The following SYN2 variants were observed in gnomAD, a reference collection of about 807,000 sequenced individuals.
The protein encoded by SYN2 is synapsin-2.
A neutral mutation model predicts 50.9 loss-of-function variants in SYN2; 19 were observed. That is an observed-to-expected ratio of 0.37 (90% CI 0.26 to 0.55). SYN2 has a LOEUF of 0.55. Ranked by LOEUF, SYN2 falls within the 20% of genes least tolerant of loss-of-function variation. SYN2 has a pLI of 0.81. For synonymous variants in SYN2, 255 were observed against 224.9 expected, an observed-to-expected ratio of 1.13 and a Z score of -1.20; for missense variants, 587 against 576.4, an observed-to-expected ratio of 1.02 and a Z score of -0.19.
chr3:12,006,967 A>G (rs910982573), intron 1 of SYN2, among the ~76,000 whole-genome samples: 2 of 152,204 alleles, frequency 1.3e-5, no homozygotes, highest in Admixed American at 6.5e-5. Context: ...ACCCTTCTGT[A>G]CCTTGTCCTG....
At chr3:12,152,673 G>A (rs912424644) in intron 5 of SYN2, among the ~76,000 whole-genome samples, 5 of 152,166 alleles carry the variant, frequency 3.3e-5, no homozygotes, top group African/African-American at 4.8e-5. Flanking sequence ...GGTGTAAAAA[G>A]CCAACAAAGG....
At chr3:12,063,999 A>G (rs955741980) in intron 1 of SYN2, among the ~76,000 whole-genome samples, 21 of 82,470 alleles carry the variant, frequency 2.5e-4, no homozygotes, top group Non-Finnish European at 6.5e-4. Context: ...AAAAGATTAC[A>G]TTGGAGAAAC....
chr3:12,191,047 A>G lies in SYN2; in HGVS notation c.*422A>G, dbSNP rs929884821. On this transcript the variant is annotated 3_prime_UTR_variant, in exon 13 of 13. Transcript: ENST00000621198. Reference sequence around the variant, plus strand: ...CCCATTCAGTGATACCTGTTTGGGAAGTATATACTTCCCCAAAAGTACTCT... The same window carrying G: ...CCCATTCAGTGATACCTGTTTGGGAGGTATATACTTCCCCAAAAGTACTCT... The G allele has an allele frequency of 1.0e-6, 1 of 990,488 alleles. No homozygotes were observed. Among genetic ancestry groups the G allele is most frequent in the African/African-American group, 1.7e-5 (1 of 57,414 alleles). 61.4% of individuals were successfully genotyped at this position (990,488 alleles called of 1,614,324 possible). A position where few individuals can be genotyped will look rare whatever the true frequency, so the allele number is the denominator to read the frequency against.
At chr3:12,089,476 A>G (rs1695779475) in intron 1 of SYN2, among the ~76,000 whole-genome samples, 1 of 152,222 alleles carries the variant, frequency 6.6e-6, no homozygotes, top group Admixed American at 6.5e-5. Flanking sequence ...GTGGGGACAC[A>G]GCCAAACCAT....
chr3:12,014,001 G>GAC (rs1158532264), intron 1 of SYN2, among the ~76,000 whole-genome samples: 1 of 151,934 alleles, frequency 6.6e-6, no homozygotes, highest in Non-Finnish European at 1.5e-5. Context: ...CATCTTTTGA[G>GAC]ACTGAGTATT....
chr3:12,144,454 G>T (rs1454204399), intron 3 of SYN2, among the ~76,000 whole-genome samples: 1 of 152,186 alleles, frequency 6.6e-6, no homozygotes, highest in East Asian at 1.9e-4. Context: ...TGAGATCATG[G>T]ACCTCTGTGG....
intron 1 of SYN2, among the ~76,000 whole-genome samples, chr3:12,134,830 T>C (rs1204227319): frequency 6.6e-6 from 1 of 152,196 alleles, no homozygotes; most frequent in African/African-American, 2.4e-5. Flanking sequence ...GATGTAAATC[T>C]GAAGAGTTGA....
chr3:12,141,024 A>G (rs1697007215), intron 2 of SYN2, among the ~76,000 whole-genome samples: 1 of 152,062 alleles, frequency 6.6e-6, no homozygotes, highest in South Asian at 2.1e-4. Context: ...GCTTCCCAGA[A>G]TATTGCACGT....
In SYN2 at chr3:12,140,636, TA is replaced by T. The variant is rs756139586; in HGVS notation, c.378-14del. 2.7e-6 allele frequency: 2 copies of T among 750,386 alleles called. No homozygotes were observed. Among genetic ancestry groups the T allele is most frequent in the Non-Finnish European group, 5.0e-6 (2 of 401,478 alleles). The allele number at this position is 750,386 out of a possible 1,614,324, so 46.5% of individuals were successfully genotyped here. A position where few individuals can be genotyped will look rare whatever the true frequency, so the allele number is the denominator to read the frequency against. Reference sequence around the variant, plus strand: ...TGCACAAAACTAATTTGTGTGGGTTTATTCTTTTCTCCAGGGCCAAGTGCTT... The same window carrying T: ...TGCACAAAACTAATTTGTGTGGGTTTTTCTTTTCTCCAGGGCCAAGTGCTT... On this transcript the variant is annotated splice_polypyrimidine_tract_variant and intron_variant, in intron 1 of 12. Transcript: ENST00000621198.
At chr3:12,034,093 T>C (rs1465311530) in intron 1 of SYN2, among the ~76,000 whole-genome samples, 1 of 152,248 alleles carries the variant, frequency 6.6e-6, no homozygotes, top group Non-Finnish European at 1.5e-5. Flanking sequence ...TTTTAACTTT[T>C]TGAGGTACTG....
Position 12,071,365 on chromosome 3 carries a change from T to C in SYN2, c.377+66437T>C, listed in dbSNP as rs1695351094. ...ATCGTCCACCGCAAATGCTTCTAAATGGACCGTAAGCAGATGTGTAGCATT... is the reference window on the plus strand; with the variant it reads ...ATCGTCCACCGCAAATGCTTCTAAACGGACCGTAAGCAGATGTGTAGCATT... On this transcript the variant is annotated intron_variant, in intron 1 of 12. Coordinates refer to ENST00000621198, the MANE Select transcript of SYN2 (RefSeq NM_133625.6). 4 of 564,146 alleles carry C rather than the reference T, an allele frequency of 7.1e-6. 1 individual carries two copies. Among genetic ancestry groups the C allele is most frequent in the Non-Finnish European group, 1.4e-5 (4 of 280,604 alleles). The allele number at this position is 564,146 out of a possible 1,614,324, so 34.9% of individuals were successfully genotyped here. A position where few individuals can be genotyped will look rare whatever the true frequency, so the allele number is the denominator to read the frequency against.
chr3:12,187,182 C>T (rs1204425708), intron 11 of SYN2, among the ~76,000 whole-genome samples, 187 bp from the exon 12 acceptor site: 3 of 152,178 alleles, frequency 2.0e-5, no homozygotes, highest in Non-Finnish European at 4.4e-5. Flanking sequence ...TGAGGAGAAG[C>T]ACTTAGTGGC....
chr3:12,038,539 C>T (rs1694549524), intron 1 of SYN2, among the ~76,000 whole-genome samples: 1 of 152,066 alleles, frequency 6.6e-6, no homozygotes, highest in South Asian at 2.1e-4. Context: ...TATTACAATC[C>T]ATGAACACAG....
At chr3:12,131,113 G>C (rs1696788958) in intron 1 of SYN2, among the ~76,000 whole-genome samples, 1 of 152,228 alleles carries the variant, frequency 6.6e-6, no homozygotes, top group Non-Finnish European at 1.5e-5. Flanking sequence ...TAGGGGCTGG[G>C]ATGCAGCCCC....
At chr3:12,173,815 G>A (rs934785555) in intron 10 of SYN2, among the ~76,000 whole-genome samples, 7 of 152,162 alleles carry the variant, frequency 4.6e-5, no homozygotes, top group Non-Finnish European at 8.8e-5. Flanking sequence ...TTGGGAGGCC[G>A]AGGCAGGAGA....
rs144503920 is a variant in SYN2, at chr3:12,096,639, A to G, written c.378-44012A>G. On this transcript the variant is annotated intron_variant, in intron 1 of 12. Coordinates refer to ENST00000621198, the MANE Select transcript of SYN2 (RefSeq NM_133625.6). ...CATTCATATAACTAAAGGAAACTATATCTAAAAAACTAAAGGAAATATGAG... is the reference window on the plus strand; with the variant it reads ...CATTCATATAACTAAAGGAAACTATGTCTAAAAAACTAAAGGAAATATGAG... 2.8e-4 allele frequency among the ~76,000 whole-genome samples: 43 copies of G among 152,242 alleles called. No homozygotes were observed. In the East Asian group the frequency reaches 7.5e-3, roughly 27 times the overall value.
At chr3:12,147,217 ATG>A (rs550119890) in intron 4 of SYN2, among the ~76,000 whole-genome samples, 3 of 147,516 alleles carry the variant, frequency 2.0e-5, no homozygotes, top group Non-Finnish European at 4.6e-5. Context: ...GTGTGTGTGT[ATG>A]TGTGTGTGTT....
intron 5 of SYN2, among the ~76,000 whole-genome samples, chr3:12,160,447 A>G (rs1340028474): frequency 6.6e-6 from 1 of 152,164 alleles, no homozygotes; most frequent in Non-Finnish European, 1.5e-5. Flanking sequence ...ACTTTTCATC[A>G]GGGTCAACAT....
rs1697399365 is a variant in SYN2 at position 12,154,505 on chromosome 3, C to T, written c.774+3179C>T. On this transcript the variant is annotated intron_variant, in intron 5 of 12. Transcript: ENST00000621198. Reference sequence around the variant, plus strand: ...CATCAGGATTCTTCTCCTGGAGCCCCAGGGGCCCAGGTCCTTGAAAAGCCC... The same window carrying T: ...CATCAGGATTCTTCTCCTGGAGCCCTAGGGGCCCAGGTCCTTGAAAAGCCC... The T allele has an allele frequency of 8.1e-6, 13 of 1,600,786 alleles. No homozygotes were observed. In the East Asian group the frequency reaches 1.8e-4, roughly 22 times the overall value.
Sources: gnomAD v4.1 joint callset for allele counts (sites outside exome capture counted in the v4.1 genomes callset) on GRCh38, gnomAD v4.1.1 for gene constraint, MANE v1.5 for transcripts, NCBI Gene and HGNC (gene_info 2026-07-23, HGNC 2026-07-21) for gene names.